The following CACNB2 variants were observed in gnomAD, a reference collection of about 807,000 sequenced individuals.
CACNB2 encodes the protein voltage-dependent L-type calcium channel subunit beta-2.
A neutral mutation model predicts 73.3 loss-of-function variants in CACNB2; 42 were observed. The observed-to-expected ratio is 0.57, with a 90% CI of 0.45 to 0.74. CACNB2 has a LOEUF of 0.74. CACNB2 is among the 30% of genes least tolerant of loss of function. CACNB2 has a pLI of 0.00. For synonymous variants in CACNB2, 348 were observed against 310.3 expected (o/e 1.12, Z -1.28); for missense variants, 940 against 853.0 (o/e 1.10, Z -1.27).
intron 3 of CACNB2, among the ~76,000 whole-genome samples, chr10:18,415,622 G>T (rs865790138): frequency 1.3e-5 from 2 of 152,150 alleles, no homozygotes; most frequent in Non-Finnish European, 2.9e-5. Context: ...CCCTCTGGAG[G>T]CAGAGCCTAC....
chr10:18,302,481 T>A (rs970581805), intron 2 of CACNB2, among the ~76,000 whole-genome samples: 1 of 152,180 alleles, frequency 6.6e-6, no homozygotes, highest in Non-Finnish European at 1.5e-5. Flanking sequence ...ATAGAGAAAC[T>A]GTGCGATATG....
chr10:18,325,396 C>T (rs1048860751), intron 2 of CACNB2, among the ~76,000 whole-genome samples: 10 of 151,800 alleles, frequency 6.6e-5, no homozygotes, highest in Non-Finnish European at 1.0e-4. Context: ...TGTCTTGCTA[C>T]GTTGCCAAGG....
At chr10:18,419,570 T>C (rs1376530343) in intron 3 of CACNB2, among the ~76,000 whole-genome samples, 1 of 152,168 alleles carries the variant, frequency 6.6e-6, no homozygotes, top group Non-Finnish European at 1.5e-5. Flanking sequence ...GACCCTCTTA[T>C]TCAAATGATC....
At chr10:18,481,230 ATTTTTTTTTTTTTTTTTT>A (rs1183940542) in intron 3 of CACNB2, among the ~76,000 whole-genome samples, 10 of 17,982 alleles carry the variant, frequency 5.6e-4, no homozygotes, top group African/African-American at 1.7e-3. Flanking sequence ...ATATATATAT[ATTTTTTTTTTTTTTTTTT>A]TTTTTTTTTT....
At chr10:18,524,102 G>A (rs1277381973) in intron 9 of CACNB2, among the ~76,000 whole-genome samples, 1 of 152,058 alleles carries the variant, frequency 6.6e-6, no homozygotes, top group African/African-American at 2.4e-5. Context: ...AACCAACTGT[G>A]TCATGTAAAC....
intron 2 of CACNB2, among the ~76,000 whole-genome samples, chr10:18,255,959 G>A (rs761955222): frequency 1.3e-5 from 2 of 152,174 alleles, no homozygotes; most frequent in Non-Finnish European, 2.9e-5. Flanking sequence ...CTCTGACTGT[G>A]TTCTTGCCAC....
Position 18,438,183 on chromosome 10 carries a change from ATTTT to A in CACNB2, c.333+36156_333+36159del, listed in dbSNP as rs372226267. On this transcript the variant is annotated intron_variant, in intron 3 of 13. Coordinates refer to ENST00000324631, the MANE Select transcript of CACNB2 (RefSeq NM_201596.3). ...CAGCCGCCCGCCAGCACACCTGGCGATTTTTTTTTTTTTTTTTTTGTATTTTTAG... is the reference window on the plus strand; with the variant it reads ...CAGCCGCCCGCCAGCACACCTGGCGATTTTTTTTTTTTTTTGTATTTTTAG... Among the ~76,000 whole-genome samples, 60 of 93,966 alleles carry A rather than the reference ATTTT, an allele frequency of 6.4e-4. 1 individual carries two copies. Among genetic ancestry groups the A allele is most frequent in the African/African-American group, 1.3e-3 (30 of 23,500 alleles). The allele number at this position is 93,966 out of a possible 152,430, so 61.6% of individuals were successfully genotyped here.
chr10:18,178,512 TTTC>T (rs1273355779), intron 2 of CACNB2, among the ~76,000 whole-genome samples: 1 of 152,174 alleles, frequency 6.6e-6, no homozygotes, highest in Non-Finnish European at 1.5e-5. Context: ...GACCCACAGA[TTTC>T]TTCTTTTTTG....
rs551087492 is a variant in CACNB2 at position 18,511,457 on chromosome 10, C to T, written c.671-2779C>T. 2.0e-5 allele frequency among the ~76,000 whole-genome samples: 3 copies of T among 152,302 alleles called. No individual in the cohort carries two copies. The East Asian group carries it at 5.8e-4, about 29-fold the overall frequency. On this transcript the variant is annotated intron_variant, in intron 6 of 13. Coordinates refer to ENST00000324631, the MANE Select transcript of CACNB2 (RefSeq NM_201596.3). Reference sequence around the variant, plus strand: ...TAATGCCTGTCAGATGATCTTCCATCCTTTGAAAAGGTTAGAAGAAGCTGC... The same window carrying T: ...TAATGCCTGTCAGATGATCTTCCATTCTTTGAAAAGGTTAGAAGAAGCTGC...
chr10:18,520,592 T>C (rs1044731320), intron 9 of CACNB2, among the ~76,000 whole-genome samples: 12 of 152,200 alleles, frequency 7.9e-5, no homozygotes, highest in African/African-American at 2.4e-4. Flanking sequence ...TGACTTCTTT[T>C]TTTCCTCTGA....
At chr10:18,450,078 C>G (rs1364863270) in intron 3 of CACNB2, among the ~76,000 whole-genome samples, 1 of 152,218 alleles carries the variant, frequency 6.6e-6, no homozygotes, top group Non-Finnish European at 1.5e-5. Context: ...CTGTATATCC[C>G]TTGGGTCTGT....
At chr10:18,499,367 C>G (rs2050038681) in intron 4 of CACNB2, among the ~76,000 whole-genome samples, 1 of 151,808 alleles carries the variant, frequency 6.6e-6, no homozygotes, top group Non-Finnish European at 1.5e-5. Context: ...CCTGTAATCC[C>G]AACACTTTGG....
chr10:18,382,380 T>A (rs1334335469), intron 2 of CACNB2, among the ~76,000 whole-genome samples: 2 of 150,840 alleles, frequency 1.3e-5, no homozygotes, highest in African/African-American at 5.0e-5. Flanking sequence ...TTTTTTAAAA[T>A]TTTTTATTTT....
chr10:18,506,424 A>T (rs1293076570), intron 5 of CACNB2, 47 bp from the exon 6 acceptor site: 1 of 921,378 alleles, frequency 1.1e-6, no homozygotes, highest in East Asian at 2.4e-5. Context: ...ATGTTTGAGG[A>T]TGCGAAATAA....
chr10:18,539,497 C>G lies in CACNB2; in HGVS notation c.1756C>G (p.Arg586Gly), dbSNP rs778198130. 6.8e-6 allele frequency: 11 copies of G among 1,613,850 alleles called. No individual in the cohort carries two copies. The highest frequency in any genetic ancestry group is 1.6e-4 in the Middle Eastern group (1 of 6,084). Residue 586 changes from arginine to glycine, a missense_variant, in exon 14 of 14, where the codon CGT (arginine) becomes GGT (glycine). Physicochemically the swap from Arg to Gly is moderately radical, Grantham distance 125 (BLOSUM62 -2). Transcript: ENST00000324631. The stretch of plus-strand genomic sequence containing the variant: ...CCACGTGGACCACTATGCCTCACAC[C>G]GTGACCACAACCACAGAGACGAGAC... ...HDHVDHYASH[R>G]DHNHRDETHG...
chr10:18,451,884 T>C (rs1401359654), intron 3 of CACNB2, among the ~76,000 whole-genome samples: 2 of 152,222 alleles, frequency 1.3e-5, no homozygotes, highest in Non-Finnish European at 2.9e-5. Context: ...TAGGGCTCTA[T>C]TTATGATGCT....
chr10:18,313,301 G>A (rs1219634669), intron 2 of CACNB2, among the ~76,000 whole-genome samples: 1 of 149,914 alleles, frequency 6.7e-6, no homozygotes, highest in African/African-American at 2.5e-5. Flanking sequence ...ATTTGGGGCT[G>A]GATATCTCGT....
At chr10:18,371,504 C>G (rs1377009690) in intron 2 of CACNB2, among the ~76,000 whole-genome samples, 2 of 152,102 alleles carry the variant, frequency 1.3e-5, no homozygotes, top group Admixed American at 1.3e-4. Context: ...TGATGGTTTC[C>G]AGCTTCATCC....
At chr10:18,166,889 TATA>T (rs1386800085) in intron 2 of CACNB2, among the ~76,000 whole-genome samples, 2 of 152,102 alleles carry the variant, frequency 1.3e-5, no homozygotes, top group Non-Finnish European at 2.9e-5. Context: ...AAACTTAAAG[TATA>T]ATAATAAAAA....
Sources: allele counts gnomAD v4.1 joint callset (sites outside exome capture counted in the v4.1 genomes callset), GRCh38; gene constraint gnomAD v4.1.1; transcripts MANE v1.5; gene names NCBI Gene and HGNC (gene_info 2026-07-23, HGNC 2026-07-21).